KIF21B: variants seen among roughly 807,000 people sequenced by gnomAD.
KIF21B encodes the protein kinesin-like protein KIF21B.
A neutral mutation model predicts 192.9 loss-of-function variants in KIF21B; 85 were observed. The observed-to-expected ratio is 0.44, with a 90% CI of 0.37 to 0.53. KIF21B has a LOEUF of 0.53. Ranked by LOEUF, KIF21B falls within the 20% of genes least tolerant of loss-of-function variation. The probability of loss-of-function intolerance (pLI) is 0.00; values close to 1 mark genes in which losing one functional copy is unlikely to be tolerated. For missense variants in KIF21B, 1,716 were observed against 2,194.8 expected, an observed-to-expected ratio of 0.78 and a Z score of 4.36; for synonymous variants, 832 against 884.6, an observed-to-expected ratio of 0.94 and a Z score of 1.05.
intron 6 of KIF21B, 127 bp from the exon 7 acceptor site, chr1:201,004,582 G>T: frequency 1.8e-6 from 2 of 1,125,360 alleles, no homozygotes; most frequent in Non-Finnish European, 2.6e-6. Context: ...CCTTGGGTGG[G>T]TTTATAGGCA....
In KIF21B at chr1:200,990,426, T is replaced by G. The variant is rs1656608767; in HGVS notation, c.2836-94A>C. ...ATAGCTTCCACCACAGGCTGGCCTG[T>G]GAGGTCCCCCCAGCACCTCTGGATT... On this transcript the variant is annotated intron_variant, in intron 19 of 34. Coordinates refer to ENST00000461742, the MANE Select transcript of KIF21B (RefSeq NM_001252102.2). This position sits in a 1 kb window ranked among gnomAD's most constrained non-coding sequence, Gnocchi z 5.4. 2.0e-6 allele frequency: 3 copies of G among 1,469,420 alleles called. No homozygotes were observed. The highest frequency in any genetic ancestry group is 1.4e-5 in the African/African-American group (1 of 71,662). 91.0% of individuals were successfully genotyped at this position (1,469,420 alleles called of 1,614,324 possible).
chr1:200,990,052 G>A lies in KIF21B; in HGVS notation c.3031-9C>T, dbSNP rs373908211. Reference sequence around the variant, plus strand: ...GTGGAGTCCAGCTCCTCCTAGGACCGGGAGGCAGAGAGCCCCGTCACCTGG... The same window carrying A: ...GTGGAGTCCAGCTCCTCCTAGGACCAGGAGGCAGAGAGCCCCGTCACCTGG... On this transcript the variant is annotated splice_polypyrimidine_tract_variant and intron_variant, in intron 20 of 34. Coordinates refer to ENST00000461742, the MANE Select transcript of KIF21B (RefSeq NM_001252102.2). The surrounding 1 kb of genome is among the most constrained non-coding windows in gnomAD (Gnocchi z 5.4). The A allele has an allele frequency of 6.6e-5, 106 of 1,612,804 alleles. No individual in the cohort carries two copies. The highest frequency in any genetic ancestry group is 2.8e-4 in the Admixed American group (17 of 59,982).
intron 1 of KIF21B, among the ~76,000 whole-genome samples, chr1:201,020,830 C>CACACACACAT (rs1553244040): frequency 6.6e-6 from 1 of 151,926 alleles, no homozygotes; most frequent in Non-Finnish European, 1.5e-5. Context: ...CACACACACA[C>CACACACACAT]ACACACACAC....
At chr1:201,009,551 C>A in intron 1 of KIF21B, 63 bp from the exon 2 acceptor site, 2 of 1,442,064 alleles carry the variant, frequency 1.4e-6, no homozygotes, top group South Asian at 1.3e-5. Context: ...ACAGGCCCCT[C>A]CCTCACACTG....
At chr1:201,004,304 C>A in intron 7 of KIF21B, 36 bp downstream of exon 7, 2 of 1,507,662 alleles carry the variant, frequency 1.3e-6, no homozygotes, top group Non-Finnish European at 9.0e-7. Context: ...CTCCCTGCCT[C>A]CCCTGTCCCT....
intron 29 of KIF21B, 72 bp from the exon 30 acceptor site, chr1:200,979,787 C>T: frequency 7.6e-7 from 1 of 1,317,014 alleles, no homozygotes; most frequent in Non-Finnish European, 1.0e-6. Context: ...TCCACCTCTG[C>T]AGGGGCTGCC....
At chr1:201,004,102 T>G (rs1276834176) in intron 7 of KIF21B, among the ~76,000 whole-genome samples, 1 of 152,222 alleles carries the variant, frequency 6.6e-6, no homozygotes, top group Admixed American at 6.5e-5. Context: ...TCATCTCGTC[T>G]GGGTCATATG....
intron 15 of KIF21B, among the ~76,000 whole-genome samples, chr1:200,994,279 G>A (rs1253078738): frequency 6.6e-6 from 1 of 152,258 alleles, no homozygotes. Context: ...CTCTCCCTGG[G>A]AGACCCCGTG....
rs536433495 is a variant in KIF21B at position 200,976,987 on chromosome 1, A to G, written c.4326-94T>C. ...TGCCCCAAAACAAATAGGCCTGGTC[A>G]GGGTACTCACCCTCCCCTCTCGCTC... On this transcript the variant is annotated intron_variant, in intron 31 of 34. Transcript: ENST00000461742. 86 of 1,030,914 alleles carry G rather than the reference A, an allele frequency of 8.3e-5. No individual in the cohort carries two copies. In the South Asian group the frequency reaches 1.3e-3, roughly 15 times the overall value. 63.9% of individuals were successfully genotyped at this position (1,030,914 alleles called of 1,614,324 possible). A position where few individuals can be genotyped will look rare whatever the true frequency, so the allele number is the denominator to read the frequency against.
At position 201,012,056 on chromosome 1, in the gene KIF21B, T is replaced by C. The variant is rs143534296; in HGVS notation, c.42-2568A>G. Among the ~76,000 whole-genome samples, 1,022 of 152,164 alleles carry C rather than the reference T, an allele frequency of 6.7e-3. 6 individuals are homozygous for C. Among genetic ancestry groups the C allele is most frequent in the Non-Finnish European group, 0.01 (689 of 67,996 alleles). ...GCAGAACAGTCTGGGGGAGAGGATA[T>C]AGAGGAGGAGACCCCAGGGTTTTAG... On this transcript the variant is annotated intron_variant, in intron 1 of 34. Transcript: ENST00000461742.
At chr1:201,003,905 G>A in intron 7 of KIF21B, 124 bp from the exon 8 acceptor site, 1 of 979,882 alleles carries the variant, frequency 1.0e-6, no homozygotes, top group Non-Finnish European at 1.6e-6. Context: ...AAGCACGTGG[G>A]CATTCAGGAC....
chr1:200,980,867 A>G (rs1431487257), intron 29 of KIF21B, 93 bp downstream of exon 29: 5 of 1,481,090 alleles, frequency 3.4e-6, no homozygotes, highest in African/African-American at 1.4e-5. Context: ...TGGGGGCTCT[A>G]TGTTCTTTTC....
At position 201,000,853 on chromosome 1, in the gene KIF21B, A is replaced by C; in HGVS notation, c.1403-73T>G. 6.5e-7 allele frequency: 1 copy of C among 1,527,998 alleles called. No individual in the cohort carries two copies. Among genetic ancestry groups the C allele is most frequent in the Non-Finnish European group, 9.1e-7 (1 of 1,103,346 alleles). The allele number at this position is 1,527,998 out of a possible 1,614,324, so 94.7% of individuals were successfully genotyped here. The stretch of plus-strand genomic sequence containing the variant: ...GCCAGCGCGGTGGCTCAGACCTATA[A>C]TTCCAGCACTTTGGGAGGCCAAGGC... On this transcript the variant is annotated intron_variant, in intron 9 of 34. Transcript: ENST00000461742. The surrounding 1 kb of genome is among the most constrained non-coding windows in gnomAD (Gnocchi z 6.0).
chr1:201,013,823 T>G (rs779580036), intron 1 of KIF21B, among the ~76,000 whole-genome samples: 1 of 152,210 alleles, frequency 6.6e-6, no homozygotes, highest in African/African-American at 2.4e-5. Context: ...AATTAGCAAA[T>G]TGTGGCCCAC....
rs79881792 is a variant in KIF21B, at chr1:200,986,884, G to A, written c.3649C>T (p.Leu1217=). 3 of 1,613,984 alleles carry A rather than the reference G, an allele frequency of 1.9e-6. No individual in the cohort carries two copies. Among genetic ancestry groups the A allele is most frequent in the South Asian group, 2.2e-5 (2 of 91,056 alleles). The change falls in exon 26 of 35, where the codon CTG becomes TTG. Residue 1217 remains leucine (L), a synonymous_variant. Transcript: ENST00000461742. Reference sequence around the variant, plus strand: ...CGGTCGTAGGACTTCCTTCTCGTCAGCGGGGACGTCTCTGTGGCTCGAGAT... The same window carrying A: ...CGGTCGTAGGACTTCCTTCTCGTCAACGGGGACGTCTCTGTGGCTCGAGAT... ...RQSRATETSP[L]TRRKSYDRGQ...
intron 7 of KIF21B, 99 bp from the exon 8 acceptor site, chr1:201,003,880 C>T: frequency 2.4e-6 from 3 of 1,247,880 alleles, no homozygotes; most frequent in South Asian, 1.3e-5. Context: ...CATTCCCCCA[C>T]TACCTTAATG....
Position 201,000,332 on chromosome 1 carries a change from G to A in KIF21B, c.1685+58C>T. ...GGGCAGCAGTCCTCCTTGGGGACGG[G>A]CAGGGTCCACTGGGGCGGTCTGAGG... On this transcript the variant is annotated intron_variant, in intron 11 of 34. Coordinates refer to ENST00000461742, the MANE Select transcript of KIF21B (RefSeq NM_001252102.2). The surrounding 1 kb of genome is among the most constrained non-coding windows in gnomAD (Gnocchi z 6.0). 3 of 1,471,602 alleles carry A rather than the reference G, an allele frequency of 2.0e-6. No individual in the cohort carries two copies. Among genetic ancestry groups the A allele is most frequent in the South Asian group, 1.3e-5 (1 of 75,330 alleles). The allele number at this position is 1,471,602 out of a possible 1,614,324, so 91.2% of individuals were successfully genotyped here. A position where few individuals can be genotyped will look rare whatever the true frequency, so the allele number is the denominator to read the frequency against.
chr1:200,986,659 A>C (rs1289967940), intron 26 of KIF21B, among the ~76,000 whole-genome samples, 185 bp downstream of exon 26: 3 of 152,120 alleles, frequency 2.0e-5, no homozygotes, highest in Non-Finnish European at 1.5e-5. Context: ...CGCCTGGCCC[A>C]TTTCTTCAGT....
At position 200,998,507 on chromosome 1, in the gene KIF21B, C is replaced by T. The variant is rs775864023; in HGVS notation, c.1954G>A (p.Glu652Lys). The change falls in exon 14 of 35, where the codon GAG (glutamate) becomes AAG (lysine). Residue 652 changes from glutamate to lysine, a missense_variant. Physicochemically the swap from Glu to Lys is moderately conservative, Grantham distance 56 (BLOSUM62 1). Around this residue, in one of 3 missense-constraint regions of KIF21B, gnomAD observed 1,087 missense variants for 1,316.6 expected, o/e 0.83. Transcript: ENST00000461742. The surrounding 1 kb of genome is among the most constrained non-coding windows in gnomAD (Gnocchi z 4.3). Reference protein sequence around the residue: ...EIEIKQKLIDELENSQRRLQT... With the variant: ...EIEIKQKLIDKLENSQRRLQT... The stretch of plus-strand genomic sequence containing the variant: ...AACCGCCGCTGGCTGTTCTCCAGCT[C>T]GTCGATCAGCTTCTGCTTGATTTCG... The T allele has an allele frequency of 5.0e-6, 8 of 1,613,854 alleles. No homozygotes were observed. Among genetic ancestry groups the T allele is most frequent in the East Asian group, 2.2e-5 (1 of 44,878 alleles).
Sources: allele counts gnomAD v4.1 joint callset (sites outside exome capture counted in the v4.1 genomes callset), GRCh38; gene constraint gnomAD v4.1.1; regional missense constraint gnomAD v4.1.1; non-coding constraint Gnocchi (gnomAD v3.1); transcripts MANE v1.5; gene names NCBI Gene and HGNC (gene_info 2026-07-23, HGNC 2026-07-21).